The following EYS variants were observed in gnomAD, a reference collection of about 807,000 sequenced individuals.
EYS encodes EGF-like photoreceptor maintenance factor.
EYS carries 250 observed loss-of-function variants against 282.1 expected under a neutral mutation model. That is an observed-to-expected ratio of 0.89 (90% CI 0.80 to 0.98). EYS has a LOEUF of 0.98. EYS is among the 50% of genes least tolerant of loss of function. The pLI is 0.00. For missense variants in EYS, 4,016 were observed against 3,709.0 expected, an observed-to-expected ratio of 1.08 and a Z score of -2.15; for synonymous variants, 1,355 against 1,282.9, an observed-to-expected ratio of 1.06 and a Z score of -1.20.
At chr6:65,409,633 G>A in intron 5 of EYS, among the ~76,000 whole-genome samples, 1 of 152,096 alleles carries the variant, frequency 6.6e-6, no homozygotes, top group East Asian at 1.9e-4. Flanking sequence ...CGTACTTCAA[G>A]TTTATAACCA....
intron 15 of EYS, among the ~76,000 whole-genome samples, chr6:64,925,423 T>C (rs1768484315): frequency 7.9e-6 from 1 of 127,136 alleles, no homozygotes; most frequent in Admixed American, 8.8e-5. Context: ...TACGTAGTCT[T>C]CATGTGGTGG....
chr6:64,781,530 T>C (rs116341342), intron 22 of EYS, among the ~76,000 whole-genome samples: 6,179 of 147,774 alleles, frequency 0.042, 145 homozygotes, highest in East Asian at 0.073. Context: ...TGAGCCGAGA[T>C]TGCGCTACTG....
At chr6:63,915,265 C>A (rs914633379) in intron 35 of EYS, among the ~76,000 whole-genome samples, 1 of 152,126 alleles carries the variant, frequency 6.6e-6, no homozygotes, top group Non-Finnish European at 1.5e-5. Flanking sequence ...ATGCTAAAGC[C>A]ATTCTGCTTG....
Position 65,141,494 on chromosome 6 carries a change from A to G in EYS, c.2024-83767T>C, listed in dbSNP as rs190681567. 9.0e-3 allele frequency among the ~76,000 whole-genome samples: 1,229 copies of G among 136,616 alleles called. 20 individuals carry two copies. The highest frequency in any genetic ancestry group is 0.034 in the African/African-American group (1,160 of 34,168). 89.6% of individuals were successfully genotyped at this position (136,616 alleles called of 152,430 possible). A position where few individuals can be genotyped will look rare whatever the true frequency, so the allele number is the denominator to read the frequency against. On this transcript the variant is annotated intron_variant, in intron 12 of 42. Coordinates refer to ENST00000503581, the MANE Select transcript of EYS (RefSeq NM_001142800.2). ...GTACCCAAAAACTTAAAGTATAATA[A>G]TAAAAAAAAAACAAAATTTCTAAAT...
intron 19 of EYS, among the ~76,000 whole-genome samples, chr6:64,823,486 C>T (rs1039620104): frequency 3.3e-5 from 5 of 151,756 alleles, no homozygotes; most frequent in African/African-American, 2.4e-5. Context: ...GATTGTGTTT[C>T]GTATGTTTGA....
chr6:65,152,819 T>C (rs1764643708), intron 12 of EYS, among the ~76,000 whole-genome samples: 1 of 151,562 alleles, frequency 6.6e-6, no homozygotes, highest in Admixed American at 6.6e-5. Context: ...ATAATTTTAA[T>C]ATTATTCATT....
intron 22 of EYS, among the ~76,000 whole-genome samples, chr6:64,777,017 C>A (rs1424728539): frequency 6.6e-6 from 1 of 152,144 alleles, no homozygotes; most frequent in Non-Finnish European, 1.5e-5. Context: ...GGCACCTCTT[C>A]ACAGGAGAGC....
At chr6:65,055,908 A>G (rs1180167647) in intron 13 of EYS, among the ~76,000 whole-genome samples, 1 of 151,950 alleles carries the variant, frequency 6.6e-6, no homozygotes, top group Admixed American at 6.6e-5. Flanking sequence ...TCTTCCCTCC[A>G]TGACCCCCTT....
intron 32 of EYS, among the ~76,000 whole-genome samples, chr6:64,075,320 C>G (rs1169377519): frequency 2.6e-5 from 4 of 151,746 alleles, no homozygotes; most frequent in Non-Finnish European, 5.9e-5. Flanking sequence ...CTGGGGAGAA[C>G]TGAAGGATCA....
chr6:64,732,869 G>A (rs1772020333), intron 22 of EYS, among the ~76,000 whole-genome samples: 1 of 152,200 alleles, frequency 6.6e-6, no homozygotes, highest in Non-Finnish European at 1.5e-5. Flanking sequence ...CAGAAATTCT[G>A]ATGTATAACG....
chr6:65,125,772 C>T (rs1334239037), intron 12 of EYS, among the ~76,000 whole-genome samples: 1 of 152,120 alleles, frequency 6.6e-6, no homozygotes, highest in Non-Finnish European at 1.5e-5. Flanking sequence ...CCTGGCCCCA[C>T]CTCCTAACAA....
chr6:64,132,255 T>C (rs1198022978), intron 31 of EYS, among the ~76,000 whole-genome samples: 1 of 152,048 alleles, frequency 6.6e-6, no homozygotes, highest in Admixed American at 6.6e-5. Flanking sequence ...TGGCCTGTCA[T>C]AGAATATACT....
chr6:64,877,374 A>G (rs1026780041), intron 19 of EYS, among the ~76,000 whole-genome samples: 1 of 152,170 alleles, frequency 6.6e-6, no homozygotes, highest in South Asian at 2.1e-4. Context: ...GGGAGACACA[A>G]AGATTCATAG....
rs377315498 is a variant in EYS at position 65,488,616 on chromosome 6, G to GA, written c.862+1977dup. Among the ~76,000 whole-genome samples the GA allele has an allele frequency of 5.7e-3, 860 of 152,132 alleles. 11 individuals carry two copies. Among genetic ancestry groups the GA allele is most frequent in the African/African-American group, 0.02 (817 of 41,506 alleles). On this transcript the variant is annotated intron_variant, in intron 5 of 42. Transcript: ENST00000503581. ...ACCACTGACTTTCTTCACAGAATTG[G>GA]AAAAATCTACTATAAACTTCATATG...
At chr6:65,288,883 T>C (rs1768444653) in intron 12 of EYS, among the ~76,000 whole-genome samples, 1 of 151,112 alleles carries the variant, frequency 6.6e-6, no homozygotes, top group South Asian at 2.1e-4. Context: ...TATGGTAAGC[T>C]AATTAAAAGT....
intron 29 of EYS, among the ~76,000 whole-genome samples, chr6:64,312,390 A>G (rs957426057): frequency 6.6e-5 from 10 of 152,110 alleles, no homozygotes; most frequent in African/African-American, 1.9e-4. Flanking sequence ...TCAGGGACTT[A>G]TAGATAAAAT....
chr6:65,575,437 GC>G (rs1438370009), intron 2 of EYS, among the ~76,000 whole-genome samples: 1 of 151,390 alleles, frequency 6.6e-6, no homozygotes, highest in African/African-American at 2.4e-5. Context: ...AAAACATTTA[GC>G]AAAAGTATTT....
At chr6:64,442,524 C>A (rs1774981957) in intron 26 of EYS, among the ~76,000 whole-genome samples, 1 of 152,208 alleles carries the variant, frequency 6.6e-6, no homozygotes, top group Non-Finnish European at 1.5e-5. Context: ...ATCTCCAAGG[C>A]ATGTCAGAGG....
intron 31 of EYS, among the ~76,000 whole-genome samples, chr6:64,089,217 CTG>C (rs1418514021): frequency 1.3e-5 from 2 of 151,350 alleles, no homozygotes; most frequent in African/African-American, 4.8e-5. Flanking sequence ...TTATTAAAAT[CTG>C]TGATTTAAAT....
Sources: gnomAD v4.1 joint callset for allele counts (sites outside exome capture counted in the v4.1 genomes callset) on GRCh38, gnomAD v4.1.1 for gene constraint, MANE v1.5 for transcripts, NCBI Gene and HGNC (gene_info 2026-07-23, HGNC 2026-07-21) for gene names.